Variants in TRIM15 observed in about 807,000 individuals in gnomAD.
TRIM15 encodes the protein tripartite motif containing 15, also known as E3 ubiquitin-protein ligase TRIM15.
Under a neutral mutation model 35.8 loss-of-function variants are expected in TRIM15, and 35 were observed. The ratio of observed to expected loss-of-function variants is 0.98; its 90% CI spans 0.75 to 1.30. The LOEUF (loss-of-function observed/expected upper bound fraction) is 1.30. Ranked by LOEUF, TRIM15 falls within the 50% of genes most tolerant of loss-of-function variation. The pLI, the probability that TRIM15 is intolerant of heterozygous loss-of-function variation, is 0.00. For missense variants in TRIM15, 590 were observed against 593.5 expected, an observed-to-expected ratio of 0.99 and a Z score of 0.06; for synonymous variants, 252 against 249.8, an observed-to-expected ratio of 1.01 and a Z score of -0.08.
intron 1 of TRIM15, among the ~76,000 whole-genome samples, chr6:30,166,373 T>A (rs916730424): frequency 6.6e-6 from 1 of 152,224 alleles, no homozygotes; most frequent in African/African-American, 2.4e-5. Context: ...CCTTTCCCCA[T>A]TGCTTGTTTT....
chr6:30,168,135 A>G (rs1405393260), intron 2 of TRIM15, among the ~76,000 whole-genome samples, 165 bp from the exon 3 acceptor site: 1 of 152,194 alleles, frequency 6.6e-6, no homozygotes, highest in Non-Finnish European at 1.5e-5. Flanking sequence ...CATCATTGGT[A>G]AGTTCATCCT....
In TRIM15 at chr6:30,168,714, TCAGA is replaced by T. The variant is rs141398685; in HGVS notation, c.708+188_708+191del. The T allele has an allele frequency of 7.5e-3, 4,815 of 639,306 alleles. 66 individuals carry two copies. Among genetic ancestry groups the T allele is most frequent in the Middle Eastern group, 0.029 (70 of 2,400 alleles). 39.6% of individuals were successfully genotyped at this position (639,306 alleles called of 1,614,324 possible). Reference sequence around the variant, plus strand: ...TGTGGTCATGTTAAGGGGTTTAGGGTCAGACAGTCTTGGATTTGAATGTTGGCTC... The same window carrying T: ...TGTGGTCATGTTAAGGGGTTTAGGGTCAGTCTTGGATTTGAATGTTGGCTC... On this transcript the variant is annotated intron_variant, in intron 3 of 6. Coordinates refer to ENST00000376694, the MANE Select transcript of TRIM15 (RefSeq NM_033229.3).
intron 2 of TRIM15, 95 bp from the exon 3 acceptor site, chr6:30,168,205 C>T: frequency 9.0e-7 from 1 of 1,111,200 alleles, no homozygotes; most frequent in Non-Finnish European, 1.3e-6. Context: ...CAGTTGCTCC[C>T]TATCCCTGTT....
rs747458380 is a variant in TRIM15 at position 30,172,347 on chromosome 6, T to C, written c.1396T>C (p.Ter466ArgextTer34). Reference sequence around the variant, plus strand: ...AGGTTCCTGCCTTACGCTGAAAGGCTGAAGTGGGGCGCGCGAAGGGCGGCG... The same window carrying C: ...AGGTTCCTGCCTTACGCTGAAAGGCCGAAGTGGGGCGCGCGAAGGGCGGCG... ...KKGSCLTLKG* is the reference protein window; with the variant it reads ...KKGSCLTLKGR Residue 466 changes from the stop codon to arginine (R), a stop_lost, in exon 7 of 7, where the codon TGA (stop) becomes CGA (arginine). Transcript: ENST00000376694. The C allele has an allele frequency of 6.3e-7, 1 of 1,594,466 alleles. No individual in the cohort carries two copies. Among genetic ancestry groups the C allele is most frequent in the Non-Finnish European group, 8.5e-7 (1 of 1,169,772 alleles).
chr6:30,163,930 C>G lies in TRIM15; in HGVS notation c.246C>G (p.Tyr82Ter), dbSNP rs552583632. Residue 82 changes from tyrosine to a stop codon, truncating the protein, a stop_gained, in exon 1 of 7, where the codon TAC becomes TAG. Coordinates refer to ENST00000376694, the MANE Select transcript of TRIM15 (RefSeq NM_033229.3). LOFTEE classifies it high-confidence loss of function. ...CCCTGGGCCCGCTGGGAGAAACTTA[C>G]TGCGAGGAGCACGGCGAGAAGATCT... is the stretch of plus-strand genomic sequence containing the variant. ...PVPLGPLGET[Y>*]CEEHGEKIYF... is the part of the protein sequence containing the mutation. 73 of 1,613,028 alleles carry G rather than the reference C, an allele frequency of 4.5e-5. No individual in the cohort carries two copies. Among genetic ancestry groups the G allele is most frequent in the Non-Finnish European group, 5.8e-5 (69 of 1,180,050 alleles).
rs1773380383 is a variant in TRIM15, at chr6:30,163,931, T to C, written c.247T>C (p.Cys83Arg). ...VPLGPLGETY[C>R]EEHGEKIYFF... Reference sequence around the variant, plus strand: ...CCTGGGCCCGCTGGGAGAAACTTACTGCGAGGAGCACGGCGAGAAGATCTA... The same window carrying C: ...CCTGGGCCCGCTGGGAGAAACTTACCGCGAGGAGCACGGCGAGAAGATCTA... The change falls in exon 1 of 7, where the codon TGC becomes CGC. Residue 83 changes from cysteine to arginine, a missense_variant. Transcript: ENST00000376694. 2 of 1,613,114 alleles carry C rather than the reference T, an allele frequency of 1.2e-6. No homozygotes were observed. The highest frequency in any genetic ancestry group is 1.3e-5 in the African/African-American group (1 of 75,058).
chr6:30,172,370 G>T lies in TRIM15; in HGVS notation c.*21G>T. The T allele has an allele frequency of 6.4e-7, 1 of 1,573,350 alleles. No individual in the cohort carries two copies. Among genetic ancestry groups the T allele is most frequent in the Non-Finnish European group, 8.6e-7 (1 of 1,160,992 alleles). Reference sequence around the variant, plus strand: ...GCTGAAGTGGGGCGCGCGAAGGGCGGCGAAGCGGAGACGGCGGCTCTCCGG... The same window carrying T: ...GCTGAAGTGGGGCGCGCGAAGGGCGTCGAAGCGGAGACGGCGGCTCTCCGG... On this transcript the variant is annotated 3_prime_UTR_variant, in exon 7 of 7. Transcript: ENST00000376694.
intron 5 of TRIM15, 73 bp from the exon 6 acceptor site, chr6:30,170,903 T>TG: frequency 2.6e-6 from 4 of 1,538,120 alleles, no homozygotes; most frequent in Non-Finnish European, 2.7e-6. Context: ...TGTACTCAAG[T>TG]CACCTTGCCC....
chr6:30,163,760 G>C lies in TRIM15; in HGVS notation c.76G>C (p.Ala26Pro). Residue 26 changes from alanine to proline, a missense_variant, in exon 1 of 7, where the codon GCG (alanine) becomes CCG (proline). By Grantham distance (27) the Ala-to-Pro change is conservative. Coordinates refer to ENST00000376694, the MANE Select transcript of TRIM15 (RefSeq NM_033229.3). ...CCTCTGTGCGGGGCCGCTGGAGGAT[G>C]CGGTGACCATTCCCTGTGGACACAC... ...CTLCAGPLED[A>P]VTIPCGHTFC... The C allele has an allele frequency of 6.2e-7, 1 of 1,613,024 alleles. No homozygotes were observed. Among genetic ancestry groups the C allele is most frequent in the South Asian group, 1.1e-5 (1 of 91,086 alleles).
At position 30,168,438 on chromosome 6, in the gene TRIM15, A is replaced by G; in HGVS notation, c.616A>G (p.Ile206Val). The G allele has an allele frequency of 6.2e-7, 1 of 1,612,494 alleles. No individual in the cohort carries two copies. Among genetic ancestry groups the G allele is most frequent in the Non-Finnish European group, 8.5e-7 (1 of 1,179,782 alleles). Residue 206 changes from isoleucine to valine, a missense_variant, in exon 3 of 7, where the codon ATC becomes GTC. Transcript: ENST00000376694. ...QQIWKERDEY[I>V]TKVSEEVTRL... ...GATTTGGAAGGAGAGGGATGAATAT[A>G]TCACAAAGGTCTCTGAGGAAGTCAC... is the stretch of plus-strand genomic sequence containing the variant.
rs1581607574 is a variant in TRIM15, at chr6:30,170,714, G to T, written c.847+98G>T. The T allele has an allele frequency of 2.0e-6, 2 of 981,466 alleles. 1 individual carries two copies. Among genetic ancestry groups the T allele is most frequent in the Admixed American group, 4.5e-5 (2 of 44,096 alleles). The allele number at this position is 981,466 out of a possible 1,614,324, so 60.8% of individuals were successfully genotyped here. On this transcript the variant is annotated intron_variant, in intron 5 of 6. Coordinates refer to ENST00000376694, the MANE Select transcript of TRIM15 (RefSeq NM_033229.3). ...TCTCTGCCCTTGAAACCTGGCTCGA[G>T]ACATCTTCCCTCCCCAGAGCCTTCC... is the stretch of plus-strand genomic sequence containing the variant.
Position 30,169,249 on chromosome 6 carries a change from A to C in TRIM15, c.717A>C (p.Arg239Ser), listed in dbSNP as rs1354265447. 6.2e-7 allele frequency: 1 copy of C among 1,613,192 alleles called. No homozygotes were observed. Among genetic ancestry groups the C allele is most frequent in the South Asian group, 1.1e-5 (1 of 91,080 alleles). ...TTGTCTTTCTTTTGCAGGATGTCAG[A>C]GTCAACCAGAGCAGGTAGGGCCCAC... ...QPASELLQDV[R>S]VNQSRCEMKT... The change falls in exon 4 of 7, where the codon AGA (arginine) becomes AGC (serine). Residue 239 changes from arginine (R) to serine (S), a missense_variant. Arg to Ser is a moderately radical substitution (Grantham distance 110, BLOSUM62 -1). Transcript: ENST00000376694.
chr6:30,172,252 A>C lies in TRIM15; in HGVS notation c.1301A>C (p.Gln434Pro). The change falls in exon 7 of 7, where the codon CAG becomes CCG. Residue 434 changes from glutamine to proline, a missense_variant. By Grantham distance (76) the Gln-to-Pro change is moderately conservative (BLOSUM62 -1). Coordinates refer to ENST00000376694, the MANE Select transcript of TRIM15 (RefSeq NM_033229.3). ...GTGACCCTCCACAACGCCCAGACCC[A>C]GGAGCCCATCTTCACCTTCACTGCC... ...GQVTLHNAQT[Q>P]EPIFTFTASF... The C allele has an allele frequency of 6.2e-7, 1 of 1,612,820 alleles. No individual in the cohort carries two copies. Among genetic ancestry groups the C allele is most frequent in the Non-Finnish European group, 8.5e-7 (1 of 1,179,918 alleles).
At position 30,170,447 on chromosome 6, in the gene TRIM15, C is replaced by A. The variant is rs957563709; in HGVS notation, c.732-54C>A. On this transcript the variant is annotated intron_variant, in intron 4 of 6. Coordinates refer to ENST00000376694, the MANE Select transcript of TRIM15 (RefSeq NM_033229.3). The stretch of plus-strand genomic sequence containing the variant: ...TGATTTTAGCCTCACGTGGTCTCAC[C>A]CGAACATTTGTTTTTGGAATTTGGA... 5.7e-6 allele frequency: 7 copies of A among 1,237,294 alleles called. No homozygotes were observed. In the African/African-American group the frequency reaches 7.4e-5, roughly 13 times the overall value. 76.6% of individuals were successfully genotyped at this position (1,237,294 alleles called of 1,614,324 possible).
chr6:30,171,255 T>C (rs932819735), intron 6 of TRIM15, among the ~76,000 whole-genome samples: 2 of 152,202 alleles, frequency 1.3e-5, no homozygotes, highest in Non-Finnish European at 2.9e-5. Flanking sequence ...AATAAATTAA[T>C]ACATGCAAAG....
intron 1 of TRIM15, among the ~76,000 whole-genome samples, chr6:30,164,403 A>G (rs1773433244): frequency 6.6e-6 from 1 of 152,200 alleles, no homozygotes; most frequent in Non-Finnish European, 1.5e-5. Context: ...TTGTTCTCCC[A>G]GGATCCAGAC....
chr6:30,167,008 T>C (rs1773647068), intron 1 of TRIM15, among the ~76,000 whole-genome samples, 168 bp from the exon 2 acceptor site: 1 of 152,260 alleles, frequency 6.6e-6, no homozygotes, highest in African/African-American at 2.4e-5. Context: ...TTTTAATCAC[T>C]TGACATTGAC....
Position 30,163,894 on chromosome 6 carries a change from G to A in TRIM15, c.210G>A (p.Met70Ile), listed in dbSNP as rs1286068972. Residue 70 changes from methionine (M) to isoleucine (I), a missense_variant, in exon 1 of 7, where the codon ATG (methionine) becomes ATA (isoleucine). Coordinates refer to ENST00000376694, the MANE Select transcript of TRIM15 (RefSeq NM_033229.3). Reference protein sequence around the residue: ...CQEEEQAETPMAPVPLGPLGE... With the variant: ...CQEEEQAETPIAPVPLGPLGE... ...AGGAGGAGCAGGCAGAGACTCCCATGGCCCCTGTGCCCCTGGGCCCGCTGG... is the reference window on the plus strand; with the variant it reads ...AGGAGGAGCAGGCAGAGACTCCCATAGCCCCTGTGCCCCTGGGCCCGCTGG... 1.2e-6 allele frequency: 2 copies of A among 1,613,092 alleles called. No homozygotes were observed. The highest frequency in any genetic ancestry group is 4.5e-5 in the East Asian group (2 of 44,886).
chr6:30,168,265 C>G lies in TRIM15; in HGVS notation c.478-35C>G, dbSNP rs559461774. ...TCATCCTGGAAGCTATCTCTGAGCC[C>G]CTTCCTAACCATGTCTGCCTTTTAT... On this transcript the variant is annotated intron_variant, in intron 2 of 6. Transcript: ENST00000376694. 5.9e-5 allele frequency: 93 copies of G among 1,579,546 alleles called. 2 individuals carry two copies. In the East Asian group the frequency reaches 6.3e-4, roughly 11 times the overall value.
Sources: allele counts gnomAD v4.1 joint callset (sites outside exome capture counted in the v4.1 genomes callset), GRCh38; gene constraint gnomAD v4.1.1; transcripts MANE v1.5; gene names NCBI Gene and HGNC (gene_info 2026-07-23, HGNC 2026-07-21).